The following DSCAML1 variants were observed in gnomAD, a reference collection of about 807,000 sequenced individuals.
DSCAML1 encodes cell adhesion molecule DSCAML1.
In DSCAML1, 38 loss-of-function variants were observed where a neutral mutation model predicts 200.5. The ratio of observed to expected loss-of-function variants is 0.19; its 90% CI spans 0.15 to 0.25. The LOEUF (loss-of-function observed/expected upper bound fraction) is 0.25. Among genes scored for constraint, DSCAML1 ranks in the 10% least tolerant of loss-of-function variants. The pLI, the probability that DSCAML1 is intolerant of heterozygous loss-of-function variation, is 1.00. For missense variants in DSCAML1, 2,223 were observed against 2,858.8 expected, an observed-to-expected ratio of 0.78 and a Z score of 5.07; for synonymous variants, 1,215 against 1,165.0, an observed-to-expected ratio of 1.04 and a Z score of -0.87.
intron 12 of DSCAML1, 42 bp downstream of exon 12, chr11:117,481,921 C>T: frequency 6.2e-7 from 1 of 1,610,728 alleles, no homozygotes; most frequent in Non-Finnish European, 8.5e-7. Context: ...TCCCCACTCT[C>T]TGAGAGTTGG....
chr11:117,716,391 G>A (rs1043785611), intron 3 of DSCAML1, among the ~76,000 whole-genome samples: 3 of 152,210 alleles, frequency 2.0e-5, no homozygotes, highest in African/African-American at 7.2e-5. Context: ...AGAGATTAAA[G>A]GCAGCTTGAA....
Position 117,428,461 on chromosome 11 carries a change from G to A in DSCAML1, c.6029C>T (p.Pro2010Leu). ...SAAPPAPSTE[P>L]PRAGGPHTKM... ...GGTGTGTGGGCCCCCGGCTCGTGGAGGCTCGGTGCTGGGGGCCGGAGGGGC... is the reference window on the plus strand; with the variant it reads ...GGTGTGTGGGCCCCCGGCTCGTGGAAGCTCGGTGCTGGGGGCCGGAGGGGC... The change falls in exon 33 of 33, where the codon CCT becomes CTT. Residue 2010 changes from proline to leucine, a missense_variant. Physicochemically the swap from Pro to Leu is moderately conservative, Grantham distance 98. This residue lies in a region of DSCAML1 where 280 missense variants were observed against 213.4 expected (regional missense o/e 1.31). Coordinates refer to ENST00000651296, the MANE Select transcript of DSCAML1 (RefSeq NM_020693.4). 2.0e-6 allele frequency: 3 copies of A among 1,532,116 alleles called. No homozygotes were observed. The highest frequency in any genetic ancestry group is 1.4e-5 in the African/African-American group (1 of 71,764). The allele number at this position is 1,532,116 out of a possible 1,614,324, so 94.9% of individuals were successfully genotyped here. A position where few individuals can be genotyped will look rare whatever the true frequency, so the allele number is the denominator to read the frequency against.
At chr11:117,509,689 A>T (rs2049580569) in intron 8 of DSCAML1, among the ~76,000 whole-genome samples, 1 of 152,144 alleles carries the variant, frequency 6.6e-6, no homozygotes, top group African/African-American at 2.4e-5. Context: ...TCCTCCATAT[A>T]TGTACATGGC....
chr11:117,722,399 A>T (rs367559001), intron 3 of DSCAML1, among the ~76,000 whole-genome samples: 1 of 151,764 alleles, frequency 6.6e-6, no homozygotes, highest in African/African-American at 2.4e-5. Flanking sequence ...GGAGCCAGGG[A>T]GAGGTTGATT....
At chr11:117,801,712 T>C (rs372692508), upstream of DSCAML1, 5 of 152,380 alleles carry the variant, frequency 3.3e-5, no homozygotes, top group East Asian at 9.6e-4. Flanking sequence ...GATAATATTA[T>C]GGCTCTAAGA....
At chr11:117,525,301 C>T (rs2049957949) in intron 4 of DSCAML1, among the ~76,000 whole-genome samples, 1 of 152,136 alleles carries the variant, frequency 6.6e-6, no homozygotes, top group South Asian at 2.1e-4. Context: ...CTGGGATTCC[C>T]AGCAGGGGCT....
chr11:117,649,084 T>TATTTTTA (rs2052577895), intron 3 of DSCAML1, among the ~76,000 whole-genome samples: 1 of 151,328 alleles, frequency 6.6e-6, no homozygotes, highest in Non-Finnish European at 1.5e-5. Flanking sequence ...TGTGTGTGTG[T>TATTTTTA]GTGTATTTTT....
At chr11:117,628,078 T>C (rs1204605237) in intron 3 of DSCAML1, among the ~76,000 whole-genome samples, 2 of 152,184 alleles carry the variant, frequency 1.3e-5, no homozygotes, top group South Asian at 2.1e-4. Flanking sequence ...TTCAACCTTA[T>C]AGTATTTCTG....
At chr11:117,519,139 G>A (rs1195365112) in intron 6 of DSCAML1, among the ~76,000 whole-genome samples, 1 of 152,214 alleles carries the variant, frequency 6.6e-6, no homozygotes, top group Non-Finnish European at 1.5e-5. Flanking sequence ...ACAGCGCTTT[G>A]TAATTTCTTG....
At chr11:117,479,523 C>G (rs2048864215) in intron 14 of DSCAML1, among the ~76,000 whole-genome samples, 1 of 152,228 alleles carries the variant, frequency 6.6e-6, no homozygotes, top group South Asian at 2.1e-4. Flanking sequence ...ATTCCTGCCA[C>G]CTGACCATGG....
intron 11 of DSCAML1, among the ~76,000 whole-genome samples, chr11:117,494,647 G>A (rs867492997): frequency 8.5e-5 from 13 of 152,152 alleles, no homozygotes; most frequent in Middle Eastern, 3.2e-3. Context: ...ACCTGTGAAC[G>A]GGGACTTACT....
chr11:117,670,307 C>G (rs936554903), intron 3 of DSCAML1, among the ~76,000 whole-genome samples: 2 of 152,136 alleles, frequency 1.3e-5, no homozygotes, highest in Non-Finnish European at 2.9e-5. Flanking sequence ...TGCCGCCCCC[C>G]AGACCGACTC....
At chr11:117,743,095 C>A (rs1375576583) in intron 3 of DSCAML1, among the ~76,000 whole-genome samples, 1 of 152,206 alleles carries the variant, frequency 6.6e-6, no homozygotes, top group African/African-American at 2.4e-5. Context: ...AACCTCTGTG[C>A]TAGGAGAGAG....
At chr11:117,664,443 T>C (rs1397409301) in intron 3 of DSCAML1, among the ~76,000 whole-genome samples, 1 of 152,210 alleles carries the variant, frequency 6.6e-6, no homozygotes. Context: ...CTCCCTGCCA[T>C]GTGACAGAGA....
chr11:117,459,918 G>C (rs148930075), intron 18 of DSCAML1, among the ~76,000 whole-genome samples: 1 of 152,254 alleles, frequency 6.6e-6, no homozygotes, highest in Non-Finnish European at 1.5e-5. Flanking sequence ...TGTGCCCAGC[G>C]TGAGAAGACT....
chr11:117,569,730 G>GTGAA (rs2050815042), intron 3 of DSCAML1, among the ~76,000 whole-genome samples: 2 of 152,216 alleles, frequency 1.3e-5, no homozygotes, highest in South Asian at 4.1e-4. Flanking sequence ...AGGTAGGCTT[G>GTGAA]TGAATGCAGC....
chr11:117,800,407 C>T (rs1235833237), upstream of DSCAML1, among the ~76,000 whole-genome samples: 1 of 152,228 alleles, frequency 6.6e-6, no homozygotes, highest in African/African-American at 2.4e-5. Context: ...CACACCCACA[C>T]ACAAATATAT....
At chr11:117,762,577 T>C (rs181004019) in intron 3 of DSCAML1, among the ~76,000 whole-genome samples, 2 of 152,220 alleles carry the variant, frequency 1.3e-5, no homozygotes, top group Admixed American at 1.3e-4. Flanking sequence ...TTTATATATA[T>C]ATGGGCCGGA....
intron 19 of DSCAML1, among the ~76,000 whole-genome samples, chr11:117,457,625 C>A (rs1214460139): frequency 6.6e-6 from 1 of 152,090 alleles, no homozygotes; most frequent in Non-Finnish European, 1.5e-5. Context: ...TTGCTCAGAG[C>A]TTAAAGGGAG....
Sources: gnomAD v4.1 joint callset for allele counts (sites outside exome capture counted in the v4.1 genomes callset) on GRCh38, gnomAD v4.1.1 for gene constraint, gnomAD v4.1.1 regional missense constraint, MANE v1.5 for transcripts, NCBI Gene and HGNC (gene_info 2026-07-23, HGNC 2026-07-21) for gene names.